THADA: variants seen among roughly 807,000 people sequenced by gnomAD.
The protein encoded by THADA is tRNA (32-2'-O)-methyltransferase regulator THADA.
A neutral mutation model predicts 219.8 loss-of-function variants in THADA; 213 were observed. That is an observed-to-expected ratio of 0.97 (90% CI 0.87 to 1.09). The LOEUF is 1.09. THADA is among the 50% of genes least tolerant of loss of function. THADA has a pLI of 0.00. For missense variants in THADA, 2,956 were observed against 2,311.3 expected, an observed-to-expected ratio of 1.28 and a Z score of -5.72; for synonymous variants, 1,018 against 828.9, an observed-to-expected ratio of 1.23 and a Z score of -3.92.
chr2:43,468,485 T>C (rs1388895025), intron 26 of THADA, among the ~76,000 whole-genome samples: 1 of 152,172 alleles, frequency 6.6e-6, no homozygotes, highest in Non-Finnish European at 1.5e-5. Context: ...GAGAAAGTTC[T>C]CCAATAAAGG....
At position 43,232,850 on chromosome 2, in the gene THADA, C is replaced by T. The variant is rs199949051; in HGVS notation, c.5329G>A (p.Ala1777Thr). The change falls in exon 37 of 38, where the codon GCT becomes ACT. Residue 1777 changes from alanine to threonine, a missense_variant. By Grantham distance (58) the Ala-to-Thr change is moderately conservative. Coordinates refer to ENST00000405975, the MANE Select transcript of THADA (RefSeq NM_022065.5). ...AGGACGGCCAGGGCCAGGGCCAGAG[C>T]GATGGAGGCATCCACCTGGCAGAAG... ...FAFCQVDASI[A>T]LALALAVLCD... 98 of 1,611,576 alleles carry T rather than the reference C, an allele frequency of 6.1e-5. No individual in the cohort carries two copies. Among genetic ancestry groups the T allele is most frequent in the Non-Finnish European group, 7.8e-5 (92 of 1,179,064 alleles).
At chr2:43,586,768 T>A (rs764617550) in intron 5 of THADA, 34 bp from the exon 6 acceptor site, 19 of 1,610,870 alleles carry the variant, frequency 1.2e-5, no homozygotes, top group Non-Finnish European at 1.4e-5. Context: ...GGTAAGGAGT[T>A]TCACGACCAA....
intron 30 of THADA, among the ~76,000 whole-genome samples, chr2:43,335,149 TGA>T (rs1195524281): frequency 6.6e-6 from 1 of 152,108 alleles, no homozygotes; most frequent in Non-Finnish European, 1.5e-5. Context: ...ACCTAGTGAA[TGA>T]GAGTCTTCAT....
At chr2:43,578,974 G>T (rs917446965) in intron 8 of THADA, among the ~76,000 whole-genome samples, 1 of 152,172 alleles carries the variant, frequency 6.6e-6, no homozygotes, top group African/African-American at 2.4e-5. Flanking sequence ...TGGGACTACA[G>T]GCGCGTGCCA....
intron 29 of THADA, among the ~76,000 whole-genome samples, chr2:43,379,873 T>C (rs1351939572): frequency 6.6e-6 from 1 of 152,212 alleles, no homozygotes; most frequent in South Asian, 2.1e-4. Context: ...AAAGAAGCTG[T>C]GGCTTCAATA....
intron 29 of THADA, among the ~76,000 whole-genome samples, chr2:43,375,684 C>A (rs1671290218): frequency 6.6e-6 from 1 of 152,258 alleles, no homozygotes; most frequent in East Asian, 1.9e-4. Context: ...TTTTAGGAAA[C>A]TGAAAAATCT....
At chr2:43,278,763 C>T (rs1332364969) in intron 36 of THADA, among the ~76,000 whole-genome samples, 2 of 152,206 alleles carry the variant, frequency 1.3e-5, no homozygotes, top group Non-Finnish European at 2.9e-5. Context: ...GGGGAGGCTT[C>T]CAGGGAACAC....
At chr2:43,407,211 T>C (rs1290429735) in intron 28 of THADA, among the ~76,000 whole-genome samples, 1 of 152,146 alleles carries the variant, frequency 6.6e-6, no homozygotes, top group Admixed American at 6.5e-5. Context: ...TTTACAGTGA[T>C]TGATTTTTCA....
At chr2:43,326,988 AT>A (rs1374624000) in intron 30 of THADA, among the ~76,000 whole-genome samples, 6 of 151,978 alleles carry the variant, frequency 3.9e-5, no homozygotes, top group Non-Finnish European at 1.5e-5. Flanking sequence ...TACGGGGGAT[AT>A]CCTACATGGG....
chr2:43,554,726 G>C (rs1697146681), intron 17 of THADA, among the ~76,000 whole-genome samples: 1 of 152,052 alleles, frequency 6.6e-6, no homozygotes, highest in African/African-American at 2.4e-5. Flanking sequence ...AGCCTACTTG[G>C]CATCATCTCA....
chr2:43,320,678 A>G (rs1678599994), intron 30 of THADA, 138 bp from the exon 31 acceptor site: 1 of 577,804 alleles, frequency 1.7e-6, no homozygotes. Flanking sequence ...AATGATGTAC[A>G]ATCATTGATG....
intron 30 of THADA, among the ~76,000 whole-genome samples, chr2:43,330,256 TC>T (rs1393111494): frequency 2.0e-5 from 3 of 151,816 alleles, no homozygotes; most frequent in African/African-American, 7.3e-5. Context: ...GCTTGGGGAG[TC>T]CTAGAGTGAG....
chr2:43,444,907 G>A (rs1395821996), intron 26 of THADA, among the ~76,000 whole-genome samples: 1 of 152,152 alleles, frequency 6.6e-6, no homozygotes, highest in Non-Finnish European at 1.5e-5. Flanking sequence ...AGTAGTAAAG[G>A]TGTGGGTTGT....
At position 43,511,889 on chromosome 2, in the gene THADA, G is replaced by A. The variant is rs947662068; in HGVS notation, c.3375-3109C>T. On this transcript the variant is annotated intron_variant, in intron 22 of 37. Coordinates refer to ENST00000405975, the MANE Select transcript of THADA (RefSeq NM_022065.5). ...TTGAAGGACATGTAGGTCGAATGGT[G>A]GAAGGTCCATATATGAGAGCTGAGG... Among the ~76,000 whole-genome samples, 5 of 152,186 alleles carry A rather than the reference G, an allele frequency of 3.3e-5. No homozygotes were observed. In the East Asian group the frequency reaches 7.7e-4, roughly 23 times the overall value.
At chr2:43,555,354 A>C (rs1265166695) in intron 17 of THADA, among the ~76,000 whole-genome samples, 1 of 151,438 alleles carries the variant, frequency 6.6e-6, no homozygotes, top group Non-Finnish European at 1.5e-5. Context: ...GCTTGTGAAT[A>C]AAACTTGTGA....
At chr2:43,400,457 T>TTTTA (rs1553427508) in intron 28 of THADA, among the ~76,000 whole-genome samples, 11 of 89,904 alleles carry the variant, frequency 1.2e-4, no homozygotes, top group Non-Finnish European at 2.4e-4. Context: ...ATAGACAAAT[T>TTTTA]TATATATATA....
intron 24 of THADA, among the ~76,000 whole-genome samples, chr2:43,499,489 G>T (rs1004461136): frequency 6.6e-6 from 1 of 152,104 alleles, no homozygotes; most frequent in African/African-American, 2.4e-5. Context: ...CGATTCTCCT[G>T]CCTCAGCCTC....
At position 43,400,478 on chromosome 2, in the gene THADA, A is replaced by ATATATATATATATATAT. The variant is rs10687373; in HGVS notation, c.4059-2340_4059-2339insATATATATATATATATA. ...AAATTTATATATATATATATATATAAATATATACACTAAGAAAAAAAATTT... is the reference window on the plus strand; with the variant it reads ...AAATTTATATATATATATATATATAATATATATATATATATATATATATACACTAAGAAAAAAAATTT... On this transcript the variant is annotated intron_variant, in intron 28 of 37. Transcript: ENST00000405975. Among the ~76,000 whole-genome samples the ATATATATATATATATAT allele has an allele frequency of 6.2e-3, 727 of 116,788 alleles. 38 individuals are homozygous for ATATATATATATATATAT. Among genetic ancestry groups the ATATATATATATATATAT allele is most frequent in the African/African-American group, 0.012 (335 of 28,288 alleles). 76.6% of individuals were successfully genotyped at this position (116,788 alleles called of 152,430 possible). A position where few individuals can be genotyped will look rare whatever the true frequency, so the allele number is the denominator to read the frequency against.
chr2:43,282,549 G>A (rs1476047705), intron 35 of THADA, among the ~76,000 whole-genome samples: 1 of 152,116 alleles, frequency 6.6e-6, no homozygotes, highest in Non-Finnish European at 1.5e-5. Flanking sequence ...TTGAGGGCTG[G>A]GCATGGAAGA....
Sources: gnomAD v4.1 joint callset for allele counts (sites outside exome capture counted in the v4.1 genomes callset) on GRCh38, gnomAD v4.1.1 for gene constraint, MANE v1.5 for transcripts, NCBI Gene and HGNC (gene_info 2026-07-23, HGNC 2026-07-21) for gene names.